ZNF589: variants seen among roughly 807,000 people sequenced by gnomAD.
ZNF589 encodes KRAB-zinc finger protein SZF1-1.
ZNF589 carries 17 observed loss-of-function variants against 13.6 expected under a neutral mutation model. That is an observed-to-expected ratio of 1.25 (90% confidence interval 0.86 to 1.88). The LOEUF is 1.88. Among genes scored for constraint, ZNF589 ranks in the 40% most tolerant of loss-of-function variants. ZNF589 has a pLI of 0.00. For synonymous variants in ZNF589, 148 were observed against 161.6 expected, an observed-to-expected ratio of 0.92 and a Z score of 0.64; for missense variants, 407 against 434.0, an observed-to-expected ratio of 0.94 and a Z score of 0.55.
intron 1 of ZNF589, among the ~76,000 whole-genome samples, chr3:48,244,019 G>T (rs2033732723): frequency 6.6e-6 from 1 of 152,120 alleles, no homozygotes; most frequent in South Asian, 2.1e-4. Context: ...GGACTTATTT[G>T]CCTCTCTGAA....
Position 48,268,771 on chromosome 3 carries a change from T to C in ZNF589, c.1080T>C (p.Tyr360=), listed in dbSNP as rs753857662. 9 of 1,613,054 alleles carry C rather than the reference T, an allele frequency of 5.6e-6. No individual in the cohort carries two copies. Among genetic ancestry groups the C allele is most frequent in the East Asian group, 2.2e-5 (1 of 44,854 alleles). Residue 360 remains tyrosine (Y), a synonymous_variant, in exon 4 of 4, where the codon TAT becomes TAC. Coordinates refer to ENST00000354698, the MANE Select transcript of ZNF589 (RefSeq NM_016089.3). ...GAATTCACACGGGGGATAAGCCTTATGTGTGCAGAGATTGAGGCCGAGGCT... is the reference window on the plus strand; with the variant it reads ...GAATTCACACGGGGGATAAGCCTTACGTGTGCAGAGATTGAGGCCGAGGCT... ...HQRIHTGDKP[Y]VCRD is the part of the protein sequence containing the mutation.
chr3:48,260,103 T>C (rs1454039857), intron 2 of ZNF589, among the ~76,000 whole-genome samples: 1 of 152,118 alleles, frequency 6.6e-6, no homozygotes, highest in African/African-American at 2.4e-5. Context: ...TGAATACTCA[T>C]TTAGAAGAGA....
intron 2 of ZNF589, among the ~76,000 whole-genome samples, chr3:48,251,424 G>A (rs192421975): frequency 1.3e-5 from 2 of 150,312 alleles, no homozygotes; most frequent in Admixed American, 1.3e-4. Flanking sequence ...GCTGGGCGTG[G>A]CGATGCGTAC....
intron 2 of ZNF589, among the ~76,000 whole-genome samples, chr3:48,258,818 G>A (rs1000116200): frequency 5.3e-5 from 8 of 152,136 alleles, no homozygotes; most frequent in Admixed American, 2.6e-4. Context: ...GGACTTGTGC[G>A]GTCTGACTCC....
intron 2 of ZNF589, among the ~76,000 whole-genome samples, chr3:48,259,593 C>T (rs2033946101): frequency 1.3e-5 from 2 of 152,150 alleles, no homozygotes; most frequent in Admixed American, 1.3e-4. Context: ...AGAAGAGGTA[C>T]TCAGGGTAAT....
At chr3:48,242,112 C>G (rs931934143) in intron 1 of ZNF589, among the ~76,000 whole-genome samples, 1 of 151,612 alleles carries the variant, frequency 6.6e-6, no homozygotes, top group Non-Finnish European at 1.5e-5. Context: ...CCACCCGGCC[C>G]AAAAGACTTT....
intron 2 of ZNF589, among the ~76,000 whole-genome samples, chr3:48,251,390 C>T (rs2033836923): frequency 6.7e-6 from 1 of 149,070 alleles, no homozygotes; most frequent in Non-Finnish European, 1.5e-5. Flanking sequence ...GAGCAAGACT[C>T]CATCTCAAAA....
Position 48,268,810 on chromosome 3 carries a change from A to C in ZNF589, c.*24A>C. The C allele has an allele frequency of 6.3e-7, 1 of 1,595,894 alleles. No individual in the cohort carries two copies. The highest frequency in any genetic ancestry group is 8.5e-7 in the Non-Finnish European group (1 of 1,170,822). ...GAGGCCGAGGCTTTGTAAGGAGATC[A>C]TGTCTCAACACACACCAGAGGATAC... On this transcript the variant is annotated 3_prime_UTR_variant, in exon 4 of 4. Coordinates refer to ENST00000354698, the MANE Select transcript of ZNF589 (RefSeq NM_016089.3).
intron 3 of ZNF589, among the ~76,000 whole-genome samples, chr3:48,261,267 A>G (rs781193159): frequency 1.3e-5 from 2 of 152,200 alleles, no homozygotes; most frequent in Non-Finnish European, 2.9e-5. Flanking sequence ...AAATTGCATG[A>G]TCAAGGTAGG....
chr3:48,267,995 C>CT lies in ZNF589; in HGVS notation c.305dup (p.His103ThrfsTer32). The CT allele has an allele frequency of 6.2e-7, 1 of 1,614,140 alleles. No homozygotes were observed. Among genetic ancestry groups the CT allele is most frequent in the Non-Finnish European group, 8.5e-7 (1 of 1,180,052 alleles). ...TCAGCAGTTCCTCAGCCAAGATGAG[C>CT]TACACAATCATCCTATTCCAGGTTT... On this transcript the variant is annotated frameshift_variant, in exon 4 of 4. Transcript: ENST00000354698. LOFTEE classifies it low-confidence loss of function (END_TRUNC).
chr3:48,267,916 A>G lies in ZNF589; in HGVS notation c.225A>G (p.Ala75=). 1 of 1,602,844 alleles carries G rather than the reference A, an allele frequency of 6.2e-7. No homozygotes were observed. The highest frequency in any genetic ancestry group is 2.2e-5 in the East Asian group (1 of 44,834). The change falls in exon 4 of 4, where the codon GCA becomes GCG. Residue 75 remains alanine, a splice_region_variant and synonymous_variant. Coordinates refer to ENST00000354698, the MANE Select transcript of ZNF589 (RefSeq NM_016089.3). Reference sequence around the variant, plus strand: ...TGACTGGAAACTTTCTTTCTTCAGCAGAATCAAAGCCAGAAGTCCATACCT... The same window carrying G: ...TGACTGGAAACTTTCTTTCTTCAGCGGAATCAAAGCCAGAAGTCCATACCT... The part of the protein sequence containing the change: ...LENLRNLVSL[A]ESKPEVHTCP...
chr3:48,241,963 C>T (rs1328567911), intron 1 of ZNF589, among the ~76,000 whole-genome samples: 1 of 151,922 alleles, frequency 6.6e-6, no homozygotes, highest in Non-Finnish European at 1.5e-5. Flanking sequence ...TTACAGGCGG[C>T]GCCTCACCAC....
At chr3:48,263,514 G>T (rs1575295518) in intron 3 of ZNF589, among the ~76,000 whole-genome samples, 1 of 152,138 alleles carries the variant, frequency 6.6e-6, no homozygotes, top group Non-Finnish European at 1.5e-5. Context: ...AGGCCAAGGC[G>T]GGCAGATCAT....
At chr3:48,256,290 T>C in intron 2 of ZNF589, 2 of 441,278 alleles carry the variant, frequency 4.5e-6, no homozygotes, top group South Asian at 3.6e-5. Context: ...GGCTTGTGAG[T>C]ACGCCTCCTA....
intron 3 of ZNF589, among the ~76,000 whole-genome samples, chr3:48,266,320 G>T (rs1223718261): frequency 6.6e-6 from 1 of 152,168 alleles, no homozygotes; most frequent in Non-Finnish European, 1.5e-5. Context: ...CTGCCATCCA[G>T]ACATCCTGAT....
At chr3:48,255,850 C>G (rs1206546943) in intron 2 of ZNF589, among the ~76,000 whole-genome samples, 2 of 152,070 alleles carry the variant, frequency 1.3e-5, no homozygotes, top group African/African-American at 4.8e-5. Flanking sequence ...AAGCAATCCT[C>G]CTGCCTTGAC....
At chr3:48,265,366 A>G (rs1401508278) in intron 3 of ZNF589, among the ~76,000 whole-genome samples, 4 of 128,016 alleles carry the variant, frequency 3.1e-5, no homozygotes. Flanking sequence ...GCTCACTGCA[A>G]CCTCCACCTC....
chr3:48,268,425 G>C lies in ZNF589; in HGVS notation c.734G>C (p.Arg245Thr). ...AVTAEKSSDK[R>T]QSQVCRECGR... ...ACAGCAGAAAAATCTTCAGACAAAAGGCAGTCACAGGTGTGCAGGGAGTGT... is the reference window on the plus strand; with the variant it reads ...ACAGCAGAAAAATCTTCAGACAAAACGCAGTCACAGGTGTGCAGGGAGTGT... The change falls in exon 4 of 4, where the codon AGG becomes ACG. Residue 245 changes from arginine (R) to threonine (T), a missense_variant. Transcript: ENST00000354698. The C allele has an allele frequency of 6.2e-7, 1 of 1,614,196 alleles. No individual in the cohort carries two copies. Among genetic ancestry groups the C allele is most frequent in the Non-Finnish European group, 8.5e-7 (1 of 1,180,036 alleles).
At chr3:48,250,876 T>C (rs2033830978) in intron 2 of ZNF589, among the ~76,000 whole-genome samples, 1 of 152,138 alleles carries the variant, frequency 6.6e-6, no homozygotes, top group Non-Finnish European at 1.5e-5. Flanking sequence ...AAAATTTTGA[T>C]GATGTTTGTT....
Sources: gnomAD v4.1 joint callset for allele counts (sites outside exome capture counted in the v4.1 genomes callset) on GRCh38, gnomAD v4.1.1 for gene constraint, MANE v1.5 for transcripts, NCBI Gene and HGNC (gene_info 2026-07-23, HGNC 2026-07-21) for gene names.